The following LITAF variants were observed in gnomAD, a reference collection of about 807,000 sequenced individuals.
The protein encoded by LITAF is lipopolysaccharide induced TNF factor.
A neutral mutation model predicts 14.5 loss-of-function variants in LITAF; 9 were observed. The ratio of observed to expected loss-of-function variants is 0.62; its 90% CI spans 0.37 to 1.08. LITAF has a LOEUF of 1.08. LITAF is among the 50% of genes least tolerant of loss of function. The pLI is 0.01. For missense variants in LITAF, 206 were observed against 213.4 expected (o/e 0.97, Z 0.22); for synonymous variants, 98 against 88.2 (o/e 1.11, Z -0.62).
At chr16:11,592,910 C>G (rs2064856364) in intron 1 of LITAF, among the ~76,000 whole-genome samples, 1 of 152,114 alleles carries the variant, frequency 6.6e-6, no homozygotes, top group South Asian at 2.1e-4. Context: ...GTGGCTCACG[C>G]CTGTAATCCC....
intron 1 of LITAF, among the ~76,000 whole-genome samples, chr16:11,582,783 T>G (rs2141833863): frequency 6.6e-6 from 1 of 152,324 alleles, no homozygotes; most frequent in Non-Finnish European, 1.5e-5. Context: ...AGAAAAACGT[T>G]ATTTCCAATA....
chr16:11,555,745 C>G (rs890767611), intron 2 of LITAF, among the ~76,000 whole-genome samples: 1 of 152,110 alleles, frequency 6.6e-6, no homozygotes, highest in African/African-American at 2.4e-5. Flanking sequence ...TCATCCTCTT[C>G]CAGCTCAAAA....
Position 11,605,004 on chromosome 16 carries a change from C to T in LITAF, c.85+28529G>A, listed in dbSNP as rs1308393684. Among the ~76,000 whole-genome samples, 2 of 152,108 alleles carry T rather than the reference C, an allele frequency of 1.3e-5. No individual in the cohort carries two copies. Among genetic ancestry groups the T allele is most frequent in the Non-Finnish European group, 2.9e-5 (2 of 68,012 alleles). ...CCTGTGTCGGGAAGTTGGAGCAATG[C>T]GGGAAAGAACGGAACTTCCTTGCCT... On this transcript the variant is annotated intron_variant, in intron 3 of 3. Transcript: ENST00000574848. This position sits in a 1 kb window ranked among gnomAD's most constrained non-coding sequence, Gnocchi z 4.7.
chr16:11,589,332 C>T (rs1306695360), upstream of LITAF, among the ~76,000 whole-genome samples: 1 of 152,228 alleles, frequency 6.6e-6, no homozygotes, highest in Non-Finnish European at 1.5e-5. Flanking sequence ...GCTAATGACA[C>T]ACTTAATGGT....
chr16:11,631,375 G>T lies in LITAF; in HGVS notation c.85+2158C>A, dbSNP rs576906688. Among the ~76,000 whole-genome samples the T allele has an allele frequency of 2.6e-5, 4 of 152,234 alleles. No homozygotes were observed. In the East Asian group the frequency reaches 7.7e-4, roughly 29 times the overall value. On this transcript the variant is annotated intron_variant, in intron 3 of 3. Coordinates refer to the LITAF transcript ENST00000574848. Reference sequence around the variant, plus strand: ...GGCTCCAGGCATCCCGGGGCTGGGGGCTGCAACACTCTGCACATGGCTTTT... The same window carrying T: ...GGCTCCAGGCATCCCGGGGCTGGGGTCTGCAACACTCTGCACATGGCTTTT...
At chr16:11,567,817 C>G (rs2141771151) in intron 1 of LITAF, among the ~76,000 whole-genome samples, 1 of 152,180 alleles carries the variant, frequency 6.6e-6, no homozygotes, top group South Asian at 2.1e-4. Context: ...AAACCCGGCT[C>G]TAATAAATAC....
chr16:11,585,653 AG>A (rs1413204854), intron 1 of LITAF, among the ~76,000 whole-genome samples: 1 of 152,182 alleles, frequency 6.6e-6, no homozygotes, highest in Non-Finnish European at 1.5e-5. Context: ...CTGAGAAGGC[AG>A]GGGGTGAGAG....
At chr16:11,568,061 G>A (rs916342205) in intron 1 of LITAF, among the ~76,000 whole-genome samples, 2 of 152,122 alleles carry the variant, frequency 1.3e-5, no homozygotes, top group African/African-American at 2.4e-5. Context: ...CCCAAGGCGG[G>A]AGGATGGCAT....
At chr16:11,630,290 C>A (rs1026137138) in intron 3 of LITAF, among the ~76,000 whole-genome samples, 2 of 152,204 alleles carry the variant, frequency 1.3e-5, no homozygotes, top group Non-Finnish European at 2.9e-5. Context: ...AAGCTGGGTC[C>A]TCTCTGAGGA....
upstream of LITAF, among the ~76,000 whole-genome samples, chr16:11,602,521 C>CA (rs765020184): frequency 7.6e-4 from 115 of 152,254 alleles, no homozygotes; most frequent in Non-Finnish European, 1.4e-3. Context: ...GTGTCACTGT[C>CA]TACAGCAGGT....
chr16:11,609,523 T>C lies in LITAF; in HGVS notation c.85+24010A>G, dbSNP rs575167056. ...GCCACCGTGCCCGGCCTGAATGGTA[T>C]GCTTTAAATGGGTGAATTGTCCGGT... On this transcript the variant is annotated intron_variant, in intron 3 of 3. Coordinates refer to the LITAF transcript ENST00000574848. Among the ~76,000 whole-genome samples the C allele has an allele frequency of 2.1e-4, 32 of 152,176 alleles. 1 individual carries two copies. The South Asian group carries it at 6.0e-3, about 29-fold the overall frequency.
chr16:11,621,025 A>T (rs933150602), intron 3 of LITAF, among the ~76,000 whole-genome samples: 2 of 151,516 alleles, frequency 1.3e-5, no homozygotes, highest in African/African-American at 4.9e-5. Context: ...TCTCCTGAGT[A>T]GCTGGGACTA....
chr16:11,563,820 T>G (rs2064410381), intron 1 of LITAF, among the ~76,000 whole-genome samples: 1 of 152,006 alleles, frequency 6.6e-6, no homozygotes, highest in South Asian at 2.1e-4. Flanking sequence ...CAAAGCTGCA[T>G]ATTTACTGCT....
chr16:11,630,000 G>A (rs754390627), intron 3 of LITAF, among the ~76,000 whole-genome samples: 4 of 152,166 alleles, frequency 2.6e-5, no homozygotes, highest in Non-Finnish European at 4.4e-5. Context: ...GAAGGAGTTC[G>A]GGTGCCTTCC....
intron 1 of LITAF, among the ~76,000 whole-genome samples, chr16:11,572,810 C>G (rs2064565616): frequency 6.6e-6 from 1 of 152,150 alleles, no homozygotes; most frequent in Non-Finnish European, 1.5e-5. Context: ...GTTTGGTAAA[C>G]AGTAACGCAG....
chr16:11,596,385 T>C (rs1470672995), intron 1 of LITAF, among the ~76,000 whole-genome samples: 1 of 149,856 alleles, frequency 6.7e-6, no homozygotes. Flanking sequence ...TGCATGACTG[T>C]GTTTCTATTT....
intron 1 of LITAF, among the ~76,000 whole-genome samples, chr16:11,560,948 C>T (rs994257549): frequency 1.3e-5 from 2 of 152,136 alleles, no homozygotes; most frequent in African/African-American, 4.8e-5. Flanking sequence ...CTAAACTCAG[C>T]GGACATCCCT....
chr16:11,625,402 A>G (rs890912429), intron 3 of LITAF, among the ~76,000 whole-genome samples: 2 of 151,900 alleles, frequency 1.3e-5, no homozygotes, highest in African/African-American at 4.8e-5. Context: ...AGCTGGGACT[A>G]CAGGCACGTA....
chr16:11,591,652 T>C (rs565707148), upstream of LITAF, among the ~76,000 whole-genome samples: 1 of 152,316 alleles, frequency 6.6e-6, no homozygotes, highest in South Asian at 2.1e-4. Flanking sequence ...AAGAGTCTTT[T>C]TTTTTTGAGA....
Sources: allele counts gnomAD v4.1 joint callset (sites outside exome capture counted in the v4.1 genomes callset), GRCh38; gene constraint gnomAD v4.1.1; non-coding constraint Gnocchi (gnomAD v3.1); transcripts MANE v1.5; gene names NCBI Gene and HGNC (gene_info 2026-07-23, HGNC 2026-07-21).